Variants in LAMA3 observed in about 807,000 individuals in gnomAD.
LAMA3 encodes the protein laminin subunit alpha-3.
In LAMA3, 281 loss-of-function variants were observed where a neutral mutation model predicts 402.0. That is an observed-to-expected ratio of 0.70 (90% CI 0.63 to 0.77). The LOEUF is 0.77. Ranked by LOEUF, LAMA3 falls within the 30% of genes least tolerant of loss-of-function variation. The pLI, the probability that LAMA3 is intolerant of heterozygous loss-of-function variation, is 0.00. For missense variants in LAMA3, 3,840 were observed against 4,215.5 expected (o/e 0.91, Z 2.47); for synonymous variants, 1,431 against 1,558.4 (o/e 0.92, Z 1.93).
rs1260776664 is a variant in LAMA3 at position 23,949,893 on chromosome 18, T to C, written c.9480T>C (p.Tyr3160=). The change falls in exon 71 of 75, where the codon TAT becomes TAC. Residue 3160 remains tyrosine (Y), a synonymous_variant. Transcript: ENST00000313654. ...GTGGTCCTTTGGAGAAAGGCATTTA[T>C]TTCTCTGAAGAAGGAGGTCATGTCG... ...CLGGPLEKGI[Y]FSEEGGHVVL... 1 of 1,614,150 alleles carries C rather than the reference T, an allele frequency of 6.2e-7. No individual in the cohort carries two copies. The highest frequency in any genetic ancestry group is 8.5e-7 in the Non-Finnish European group (1 of 1,180,030).
chr18:23,745,782 A>G (rs952792321), intron 2 of LAMA3, among the ~76,000 whole-genome samples: 22 of 152,202 alleles, frequency 1.4e-4, no homozygotes, highest in Non-Finnish European at 1.5e-4. Context: ...TATTAGATAA[A>G]TAGTTTTTTA....
intron 38 of LAMA3, chr18:23,872,914 A>T: frequency 8.9e-7 from 1 of 1,117,342 alleles, no homozygotes; most frequent in Non-Finnish European, 1.3e-6. Flanking sequence ...TGTGAAGTTT[A>T]AAGGTGGGGC....
chr18:23,825,150 A>G (rs1246598950), intron 21 of LAMA3, among the ~76,000 whole-genome samples: 2 of 152,236 alleles, frequency 1.3e-5, no homozygotes, highest in African/African-American at 4.8e-5. Context: ...AACCTAAAGC[A>G]GGTTTATTCC....
rs1362170677 is a variant in LAMA3 at position 23,833,813 on chromosome 18, T to A, written c.2824-15T>A. On this transcript the variant is annotated splice_polypyrimidine_tract_variant and intron_variant, in intron 23 of 74. Transcript: ENST00000313654. ...ACAGCTGGATCACAGTCTGTCTGCT[T>A]GGCCTCTGTGACAGGTGGAATTGCA... 3.1e-6 allele frequency: 5 copies of A among 1,612,398 alleles called. No homozygotes were observed. The South Asian group carries it at 4.4e-5, about 14-fold the overall frequency.
chr18:23,703,911 C>T (rs2060837147), intron 1 of LAMA3, among the ~76,000 whole-genome samples: 1 of 152,196 alleles, frequency 6.6e-6, no homozygotes, highest in South Asian at 2.1e-4. Context: ...GCCTTTGTGA[C>T]TCTCAAAAGG....
chr18:23,854,986 A>G (rs1253308627), intron 32 of LAMA3, among the ~76,000 whole-genome samples: 1 of 112,060 alleles, frequency 8.9e-6, no homozygotes, highest in Non-Finnish European at 2.4e-5. Flanking sequence ...TCCGTCTCAA[A>G]AATAAATAAA....
At chr18:23,824,754 C>A (rs949992978) in intron 21 of LAMA3, among the ~76,000 whole-genome samples, 189 bp downstream of exon 21, 22 of 152,192 alleles carry the variant, frequency 1.4e-4, no homozygotes, top group African/African-American at 4.6e-4. Context: ...TAGGAATCAA[C>A]TTGAAGTATC....
In LAMA3 at chr18:23,747,320, C is replaced by T. The variant is rs141653678; in HGVS notation, c.448-623C>T. Among the ~76,000 whole-genome samples, 598 of 152,182 alleles carry T rather than the reference C, an allele frequency of 3.9e-3. 3 individuals carry two copies. Among genetic ancestry groups the T allele is most frequent in the Middle Eastern group, 0.02 (6 of 294 alleles). ...GAGTGGGAGGTGAAGAAAGAAGGACCGAAGCCCCACTTCATCTCTTCCATA... is the reference window on the plus strand; with the variant it reads ...GAGTGGGAGGTGAAGAAAGAAGGACTGAAGCCCCACTTCATCTCTTCCATA... On this transcript the variant is annotated intron_variant, in intron 2 of 74. Coordinates refer to ENST00000313654, the MANE Select transcript of LAMA3 (RefSeq NM_198129.4).
chr18:23,921,581 G>T lies in LAMA3; in HGVS notation c.8173G>T (p.Glu2725Ter). The stretch of plus-strand genomic sequence containing the variant: ...GGGAGGAATTCCAATTGCAATCAGG[G>T]AAAGGTAAGATGATTTTTTTAAAAC... ...YLGGIPIAIR[E>*]RFNISTPAFR... The change falls in exon 62 of 75, where the codon GAA becomes TAA. Residue 2725 changes from glutamate (E) to a stop codon, truncating the protein, a stop_gained. Transcript: ENST00000313654. LOFTEE classifies it high-confidence loss of function. 6.2e-7 allele frequency: 1 copy of T among 1,613,848 alleles called. No individual in the cohort carries two copies. Among genetic ancestry groups the T allele is most frequent in the Non-Finnish European group, 8.5e-7 (1 of 1,179,882 alleles).
intron 12 of LAMA3, among the ~76,000 whole-genome samples, chr18:23,809,597 T>C (rs2063027580): frequency 6.6e-6 from 1 of 152,078 alleles, no homozygotes; most frequent in Non-Finnish European, 1.5e-5. Context: ...TAGAGACTAG[T>C]AGGGACCTGA....
intron 25 of LAMA3, among the ~76,000 whole-genome samples, chr18:23,837,773 A>G (rs1407681055): frequency 6.6e-6 from 1 of 151,852 alleles, no homozygotes; most frequent in Non-Finnish European, 1.5e-5. Flanking sequence ...CTAAGTGTGA[A>G]GCAACTTCCT....
At chr18:23,865,762 C>T (rs557342552) in intron 36 of LAMA3, among the ~76,000 whole-genome samples, 1 of 152,054 alleles carries the variant, frequency 6.6e-6, no homozygotes, top group Non-Finnish European at 1.5e-5. Flanking sequence ...AGTGCCCTTC[C>T]AGGGGCAGGG....
chr18:23,750,441 T>G (rs1486202239), intron 4 of LAMA3, among the ~76,000 whole-genome samples: 7 of 134,936 alleles, frequency 5.2e-5, no homozygotes, highest in South Asian at 2.6e-4. Flanking sequence ...AGTTTTTTTT[T>G]TTTTTTTTTT....
At chr18:23,826,656 G>T in intron 21 of LAMA3, 46 bp from the exon 22 acceptor site, 1 of 1,310,522 alleles carries the variant, frequency 7.6e-7, no homozygotes, top group East Asian at 2.5e-5. Context: ...CCAAAGTAGG[G>T]CTACCATCAA....
intron 68 of LAMA3, among the ~76,000 whole-genome samples, chr18:23,942,580 CTTTTTT>C (rs11293501): frequency 7.5e-6 from 1 of 133,582 alleles, no homozygotes. Flanking sequence ...TTGCACTCTG[CTTTTTT>C]TTTTTTTTTT....
intron 73 of LAMA3, 61 bp from the exon 74 acceptor site, chr18:23,952,929 G>A: frequency 1.2e-6 from 2 of 1,610,352 alleles, no homozygotes; most frequent in Admixed American, 1.7e-5. Flanking sequence ...CAAAGTCAAT[G>A]GTGTAGACAT....
chr18:23,925,790 G>A (rs1362356645), intron 62 of LAMA3, among the ~76,000 whole-genome samples: 2 of 152,196 alleles, frequency 1.3e-5, no homozygotes, highest in African/African-American at 4.8e-5. Flanking sequence ...AGGAATAGTG[G>A]AAGTAAATCT....
At chr18:23,845,903 A>G (rs1030543075) in intron 30 of LAMA3, among the ~76,000 whole-genome samples, 18 of 152,204 alleles carry the variant, frequency 1.2e-4, no homozygotes, top group African/African-American at 4.1e-4. Flanking sequence ...AGCACACAAC[A>G]TTCAATGAAT....
At chr18:23,719,731 A>C (rs994689688) in intron 2 of LAMA3, among the ~76,000 whole-genome samples, 4 of 152,070 alleles carry the variant, frequency 2.6e-5, no homozygotes, top group Admixed American at 6.5e-5. Context: ...GGTGAATCCA[A>C]AACATTCTTT....
Sources: gnomAD v4.1 joint callset for allele counts (sites outside exome capture counted in the v4.1 genomes callset) on GRCh38, gnomAD v4.1.1 for gene constraint, MANE v1.5 for transcripts, NCBI Gene and HGNC (gene_info 2026-07-23, HGNC 2026-07-21) for gene names.